The following PLD5 variants were observed in gnomAD, a reference collection of about 807,000 sequenced individuals.
The protein encoded by PLD5 is inactive phospholipase D5.
Under a neutral mutation model 61.1 loss-of-function variants are expected in PLD5, and 36 were observed. That is an observed-to-expected ratio of 0.59 (90% confidence interval 0.45 to 0.78). The LOEUF (loss-of-function observed/expected upper bound fraction) is 0.78, where lower values mean the gene tolerates loss of function less well. PLD5 is among the 30% of genes least tolerant of loss of function. The probability of loss-of-function intolerance (pLI) is 0.00; values close to 1 mark genes in which losing one functional copy is unlikely to be tolerated. For missense variants in PLD5, 515 were observed against 644.4 expected, an observed-to-expected ratio of 0.80 and a Z score of 2.17; for synonymous variants, 243 against 242.8, an observed-to-expected ratio of 1.00 and a Z score of -0.01.
chr1:242,321,069 C>G (rs1658367945), intron 2 of PLD5, among the ~76,000 whole-genome samples: 1 of 152,098 alleles, frequency 6.6e-6, no homozygotes, highest in Non-Finnish European at 1.5e-5. Flanking sequence ...TATTTTACCC[C>G]AAAGTGTATT....
At chr1:242,191,916 G>A (rs991520240) in intron 5 of PLD5, among the ~76,000 whole-genome samples, 1 of 152,144 alleles carries the variant, frequency 6.6e-6, no homozygotes, top group African/African-American at 2.4e-5. Flanking sequence ...AGAAGAAAGA[G>A]TGAGACAGAA....
chr1:242,407,112 C>A (rs1021287780), intron 1 of PLD5, among the ~76,000 whole-genome samples: 1 of 152,062 alleles, frequency 6.6e-6, no homozygotes, highest in Admixed American at 6.6e-5. Flanking sequence ...ACCCTGGGGG[C>A]GGGTCTTTCT....
At chr1:242,141,736 T>C (rs1316575946) in intron 5 of PLD5, among the ~76,000 whole-genome samples, 3 of 152,034 alleles carry the variant, frequency 2.0e-5, no homozygotes. Context: ...CTGCAGAAAT[T>C]TTGGAGAAGG....
intron 2 of PLD5, among the ~76,000 whole-genome samples, chr1:242,325,630 C>T (rs964656624): frequency 2.6e-5 from 4 of 151,798 alleles, no homozygotes; most frequent in African/African-American, 9.7e-5. Flanking sequence ...GAATTTGAAC[C>T]CTTTCATGCT....
chr1:242,509,081 AAAAT>A (rs1668821449), intron 1 of PLD5, among the ~76,000 whole-genome samples: 1 of 151,666 alleles, frequency 6.6e-6, no homozygotes. Flanking sequence ...ACTCCGTCTC[AAAAT>A]AAATAAATAG....
chr1:242,216,380 A>C (rs1378197672), intron 5 of PLD5, among the ~76,000 whole-genome samples: 3 of 152,230 alleles, frequency 2.0e-5, no homozygotes, highest in Non-Finnish European at 4.4e-5. Flanking sequence ...CAAAAGTTTC[A>C]GGATAGGGTT....
At chr1:242,250,192 A>C (rs1048460094) in intron 4 of PLD5, among the ~76,000 whole-genome samples, 1 of 152,246 alleles carries the variant, frequency 6.6e-6, no homozygotes, top group Non-Finnish European at 1.5e-5. Flanking sequence ...ATCAAGGCTC[A>C]ACCTGAAATC....
intron 5 of PLD5, among the ~76,000 whole-genome samples, chr1:242,139,502 T>G (rs187708536): frequency 1.3e-5 from 2 of 152,096 alleles, no homozygotes; most frequent in East Asian, 3.9e-4. Flanking sequence ...GCTTGTTCAA[T>G]GGGCATCGGG....
intron 9 of PLD5, among the ~76,000 whole-genome samples, chr1:242,099,342 G>T (rs1241189948): frequency 6.6e-6 from 1 of 152,056 alleles, no homozygotes; most frequent in African/African-American, 2.4e-5. Flanking sequence ...GGCCAAGCTG[G>T]TCTTGAACTC....
At chr1:242,530,029 G>C in the PLD5 span, among the ~76,000 whole-genome samples, 1 of 152,076 alleles carries the variant, frequency 6.6e-6, no homozygotes, top group Admixed American at 6.5e-5. Flanking sequence ...GAGTAACTGA[G>C]ATTACAGGTG....
At chr1:242,451,653 C>T (rs1046866638) in intron 1 of PLD5, among the ~76,000 whole-genome samples, 2 of 151,496 alleles carry the variant, frequency 1.3e-5, no homozygotes, top group Admixed American at 6.6e-5. Flanking sequence ...AGAGACAGGG[C>T]TTCACCGTGT....
chr1:242,411,599 A>T (rs1445625206), intron 1 of PLD5, among the ~76,000 whole-genome samples: 1 of 152,248 alleles, frequency 6.6e-6, no homozygotes, highest in Non-Finnish European at 1.5e-5. Context: ...AATATGGGGC[A>T]TAAATTCTGT....
At position 242,181,523 on chromosome 1, in the gene PLD5, T is replaced by C. The variant is rs930161398; in HGVS notation, c.735+38465A>G. ...TAGCATAACATACATGGTCTCATTATATTTCTGTTGGATAGCACTGCTGTA... is the reference window on the plus strand; with the variant it reads ...TAGCATAACATACATGGTCTCATTACATTTCTGTTGGATAGCACTGCTGTA... On this transcript the variant is annotated intron_variant, in intron 5 of 9. Coordinates refer to ENST00000536534, the MANE Select transcript of PLD5 (RefSeq NM_001372062.1). 2.0e-5 allele frequency among the ~76,000 whole-genome samples: 3 copies of C among 152,298 alleles called. No individual in the cohort carries two copies. The East Asian group carries it at 5.8e-4, about 29-fold the overall frequency.
intron 1 of PLD5, among the ~76,000 whole-genome samples, chr1:242,507,732 A>G (rs1572264599): frequency 1.3e-5 from 2 of 152,230 alleles, no homozygotes; most frequent in South Asian, 4.1e-4. Flanking sequence ...TACTCTGTTC[A>G]TATCGGGAAG....
At chr1:242,320,726 G>A (rs1440462857) in intron 2 of PLD5, among the ~76,000 whole-genome samples, 2 of 152,114 alleles carry the variant, frequency 1.3e-5, no homozygotes, top group Non-Finnish European at 1.5e-5. Flanking sequence ...CATCAACCTC[G>A]GTGACCAGTG....
chr1:242,469,150 T>C (rs1277179994), intron 1 of PLD5, among the ~76,000 whole-genome samples: 2 of 152,216 alleles, frequency 1.3e-5, no homozygotes, highest in African/African-American at 4.8e-5. Context: ...CCTAAAAATA[T>C]ATGCATCAGC....
intron 4 of PLD5, among the ~76,000 whole-genome samples, chr1:242,263,596 A>T (rs1348375963): frequency 6.6e-6 from 1 of 152,032 alleles, no homozygotes; most frequent in African/African-American, 2.4e-5. Context: ...AATAGCTATG[A>T]GAAATTAGGG....
chr1:242,089,664 A>C lies in PLD5; in HGVS notation c.*190T>G, dbSNP rs1659660268. The C allele has an allele frequency of 1.5e-6, 1 of 683,438 alleles. No homozygotes were observed. 42.3% of individuals were successfully genotyped at this position (683,438 alleles called of 1,614,324 possible). ...ATTCTCTGTCAGAGGTAACAAATACAAAAGTCTTAATTTTAGTGTACACGA... is the reference window on the plus strand; with the variant it reads ...ATTCTCTGTCAGAGGTAACAAATACCAAAGTCTTAATTTTAGTGTACACGA... On this transcript the variant is annotated 3_prime_UTR_variant, in exon 10 of 10. Coordinates refer to ENST00000536534, the MANE Select transcript of PLD5 (RefSeq NM_001372062.1).
chr1:242,468,615 TCTTTA>T (rs962791701), intron 1 of PLD5, among the ~76,000 whole-genome samples: 28 of 152,110 alleles, frequency 1.8e-4, no homozygotes, highest in Admixed American at 1.8e-3. Context: ...AACATTCTAC[TCTTTA>T]CTTAACAGTT....
Sources: gnomAD v4.1 joint callset for allele counts (sites outside exome capture counted in the v4.1 genomes callset) on GRCh38, gnomAD v4.1.1 for gene constraint, MANE v1.5 for transcripts, NCBI Gene and HGNC (gene_info 2026-07-23, HGNC 2026-07-21) for gene names.